FOXP1: variants seen among roughly 807,000 people sequenced by gnomAD.
FOXP1 encodes the protein forkhead box protein P1.
A neutral mutation model predicts 98.2 loss-of-function variants in FOXP1; 15 were observed. The ratio of observed to expected loss-of-function variants is 0.15; its 90% CI spans 0.10 to 0.24. FOXP1 has a LOEUF of 0.24. Among genes scored for constraint, FOXP1 ranks in the 10% least tolerant of loss-of-function variants. The pLI is 1.00. For missense variants in FOXP1, 633 were observed against 848.5 expected (o/e 0.75, Z 3.15); for synonymous variants, 371 against 314.5 (o/e 1.18, Z -1.90).
intron 6 of FOXP1, among the ~76,000 whole-genome samples, chr3:71,132,803 T>C (rs921969715): frequency 1.3e-5 from 2 of 152,124 alleles, no homozygotes; most frequent in Non-Finnish European, 2.9e-5. Context: ...GGTAACTAAG[T>C]TACAAATGCA....
chr3:71,456,545 A>G (rs2087525654), intron 3 of FOXP1, among the ~76,000 whole-genome samples: 3 of 152,164 alleles, frequency 2.0e-5, no homozygotes, highest in Non-Finnish European at 4.4e-5. Context: ...CCTAGAGACT[A>G]TGGAAGAAGC....
chr3:71,114,323 GAAGA>G (rs2058190502), intron 6 of FOXP1, among the ~76,000 whole-genome samples: 1 of 152,206 alleles, frequency 6.6e-6, no homozygotes, highest in African/African-American at 2.4e-5. Context: ...CTGGAACTCA[GAAGA>G]AAGAGAGAAC....
chr3:71,190,569 A>G (rs1202542966), intron 6 of FOXP1, among the ~76,000 whole-genome samples: 1 of 143,874 alleles, frequency 7.0e-6, no homozygotes, highest in Non-Finnish European at 1.5e-5. Context: ...TCAGTAAGCC[A>G]TGTAAGCCAT....
At chr3:71,362,265 G>A (rs2078622852) in intron 3 of FOXP1, among the ~76,000 whole-genome samples, 1 of 152,110 alleles carries the variant, frequency 6.6e-6, no homozygotes, top group South Asian at 2.1e-4. Flanking sequence ...TCCACCTCCT[G>A]GGTTCAAGCA....
At chr3:71,446,169 G>A (rs987167602) in intron 3 of FOXP1, among the ~76,000 whole-genome samples, 3 of 152,148 alleles carry the variant, frequency 2.0e-5, no homozygotes, top group Admixed American at 2.0e-4. Context: ...GGGCCTCATG[G>A]AGAAATGGGT....
At chr3:71,563,257 T>C (rs1417837761) in intron 2 of FOXP1, among the ~76,000 whole-genome samples, 2 of 152,170 alleles carry the variant, frequency 1.3e-5, no homozygotes, top group African/African-American at 4.8e-5. Context: ...GATGCTTTCT[T>C]ACTAAAAGCA....
Position 71,046,971 on chromosome 3 carries a change from G to T in FOXP1, c.635C>A (p.Pro212His). ...AGCAAGAGGTTGAAGGGGAAGGGCA[G>T]GCTGCCCGGGCTGAATTGTCAGAAG... ...QGLLTIQPGQ[P>H]ALPLQPLAQG... is the part of the protein sequence containing the mutation. Residue 212 changes from proline to histidine, a missense_variant, in exon 10 of 21, where the codon CCT (proline) becomes CAT (histidine). By Grantham distance (77) the Pro-to-His change is moderately conservative. Coordinates refer to ENST00000649528, the MANE Select transcript of FOXP1 (RefSeq NM_001349338.3). The T allele has an allele frequency of 6.2e-7, 1 of 1,614,100 alleles. No homozygotes were observed. The highest frequency in any genetic ancestry group is 8.5e-7 in the Non-Finnish European group (1 of 1,179,968).
chr3:71,260,991 G>T (rs1363412831), intron 5 of FOXP1, among the ~76,000 whole-genome samples: 1 of 152,192 alleles, frequency 6.6e-6, no homozygotes, highest in Non-Finnish European at 1.5e-5. Flanking sequence ...TGCTAATAAA[G>T]TTTAGAATTT....
intron 10 of FOXP1, among the ~76,000 whole-genome samples, chr3:71,044,614 G>A (rs1396568875): frequency 3.3e-5 from 5 of 152,170 alleles, no homozygotes; most frequent in Admixed American, 2.6e-4. Flanking sequence ...GCCATGAACA[G>A]GTATGTAAAA....
At chr3:71,025,506 A>G (rs1180380029) in intron 11 of FOXP1, among the ~76,000 whole-genome samples, 7 of 152,240 alleles carry the variant, frequency 4.6e-5, no homozygotes, top group Non-Finnish European at 2.9e-5. Context: ...GGATGGACAT[A>G]GATAAATATG....
chr3:71,565,816 C>A (rs1048864405), intron 2 of FOXP1, among the ~76,000 whole-genome samples: 1 of 152,104 alleles, frequency 6.6e-6, no homozygotes, highest in Non-Finnish European at 1.5e-5. Flanking sequence ...TATTAGAATG[C>A]CCAACTGAGG....
chr3:71,583,287 G>T (rs2048334933), intron 1 of FOXP1, among the ~76,000 whole-genome samples: 1 of 152,076 alleles, frequency 6.6e-6, no homozygotes, highest in Non-Finnish European at 1.5e-5. Flanking sequence ...AAGGGTGCGG[G>T]CGCCGCCGGA....
intron 2 of FOXP1, among the ~76,000 whole-genome samples, chr3:71,511,529 A>G (rs1024954855): frequency 6.6e-6 from 1 of 152,212 alleles, no homozygotes; most frequent in South Asian, 2.1e-4. Flanking sequence ...CAACCCCAAA[A>G]CATCTCTGTC....
intron 3 of FOXP1, among the ~76,000 whole-genome samples, chr3:71,415,456 A>T (rs2083139848): frequency 6.6e-6 from 1 of 152,244 alleles, no homozygotes; most frequent in Non-Finnish European, 1.5e-5. Context: ...CTTTGATGTG[A>T]GAGCCAATAT....
Position 70,956,546 on chromosome 3 carries a change from A to G in FOXP1, c.*2701T>C, listed in dbSNP as rs572687900. The G allele has an allele frequency of 4.3e-6, 1 of 230,296 alleles. No homozygotes were observed. The highest frequency in any genetic ancestry group is 2.2e-5 in the African/African-American group (1 of 45,072). 14.3% of individuals were successfully genotyped at this position (230,296 alleles called of 1,614,324 possible). On this transcript the variant is annotated 3_prime_UTR_variant, in exon 21 of 21. Transcript: ENST00000649528. ...GGTTTGAACTGAGGTATGCGTACTA[A>G]CAGTTTCTCATGCTGTTATCTTTAC...
intron 3 of FOXP1, among the ~76,000 whole-genome samples, chr3:71,459,914 A>G (rs994145487): frequency 3.3e-5 from 5 of 151,674 alleles, no homozygotes; most frequent in Admixed American, 1.3e-4. Context: ...CTAAAATAAT[A>G]TATCAGGCCC....
At position 71,047,051 on chromosome 3, in the gene FOXP1, A is replaced by G; in HGVS notation, c.555T>C (p.Leu185=). ...ATQQLAFQQQ[L]LQMQQLQQQH... is the part of the protein sequence containing the mutation. ...GCTGCTGTAACTGCTGCATCTGTAAAAGCTGCTGCTGAAAAGCCAACTGCT... is the reference window on the plus strand; with the variant it reads ...GCTGCTGTAACTGCTGCATCTGTAAGAGCTGCTGCTGAAAAGCCAACTGCT... The change falls in exon 10 of 21, where the codon CTT becomes CTC. Residue 185 remains leucine, a synonymous_variant. Coordinates refer to ENST00000649528, the MANE Select transcript of FOXP1 (RefSeq NM_001349338.3). 1 of 1,614,034 alleles carries G rather than the reference A, an allele frequency of 6.2e-7. No individual in the cohort carries two copies. The highest frequency in any genetic ancestry group is 8.5e-7 in the Non-Finnish European group (1 of 1,179,948).
chr3:71,482,721 T>A (rs980597602), intron 3 of FOXP1, among the ~76,000 whole-genome samples: 1 of 151,564 alleles, frequency 6.6e-6, no homozygotes, highest in African/African-American at 2.4e-5. Context: ...AACTTTAAAA[T>A]TTTTTTTTAA....
chr3:71,427,176 G>A (rs1577439985), intron 3 of FOXP1, among the ~76,000 whole-genome samples: 2 of 151,730 alleles, frequency 1.3e-5, no homozygotes, highest in East Asian at 3.9e-4. Flanking sequence ...AGATCATAAA[G>A]GCAGGAATCG....
Sources: gnomAD v4.1 joint callset for allele counts (sites outside exome capture counted in the v4.1 genomes callset) on GRCh38, gnomAD v4.1.1 for gene constraint, MANE v1.5 for transcripts, NCBI Gene and HGNC (gene_info 2026-07-23, HGNC 2026-07-21) for gene names.